Variants in TTC6 observed in about 807,000 individuals in gnomAD.
The protein encoded by TTC6 is tetratricopeptide repeat domain 6.
Under a neutral mutation model 210.4 loss-of-function variants are expected in TTC6, and 172 were observed. The observed-to-expected ratio is 0.82, with a 90% CI of 0.72 to 0.93. The LOEUF is 0.93. Among genes scored for constraint, TTC6 ranks in the 40% least tolerant of loss-of-function variants. The pLI, the probability that TTC6 is intolerant of heterozygous loss-of-function variation, is 0.00. For missense variants in TTC6, 2,414 were observed against 2,318.1 expected (o/e 1.04, Z -0.85); for synonymous variants, 804 against 819.6 (o/e 0.98, Z 0.32).
At chr14:37,760,014 T>C (rs528689627) in intron 14 of TTC6, among the ~76,000 whole-genome samples, 3 of 152,330 alleles carry the variant, frequency 2.0e-5, no homozygotes, top group Admixed American at 2.0e-4. Flanking sequence ...AATTCGTCAA[T>C]CTCATTCTCT....
exon 28 of TTC6, chr14:37,826,280 G>C: frequency 6.2e-7 from 1 of 1,612,766 alleles, no homozygotes; most frequent in Non-Finnish European, 8.5e-7. Context: ...TATGAAGGAA[G>C]AGCTGTGGTC....
rs369233138 is a variant in TTC6 at position 37,696,938 on chromosome 14, A to T, written c.1376+103A>T. ...AAAAAAGAAAACTAAATGTTTTAGA[A>T]ATTCATATATGAGACCTAAGTTAAA... On this transcript the variant is annotated intron_variant, in intron 4 of 30. Coordinates refer to ENST00000553443, the Ensembl canonical transcript of TTC6. The T allele has an allele frequency of 4.3e-4, 219 of 507,984 alleles. 1 individual carries two copies. Among genetic ancestry groups the T allele is most frequent in the African/African-American group, 4.1e-3 (209 of 50,394 alleles). 31.5% of individuals were successfully genotyped at this position (507,984 alleles called of 1,614,324 possible).
intron 17 of TTC6, among the ~76,000 whole-genome samples, chr14:37,793,136 C>G (rs189354797): frequency 1.3e-5 from 2 of 152,104 alleles, no homozygotes; most frequent in African/African-American, 2.4e-5. Context: ...TTTCAAATAG[C>G]AGCCACAGTG....
intron 4 of TTC6, 65 bp downstream of exon 6, chr14:37,696,900 A>G (rs1479229328): frequency 1.6e-6 from 1 of 637,036 alleles, no homozygotes; most frequent in Non-Finnish European, 2.3e-6. Context: ...TAGAGACATG[A>G]AAATACATTT....
rs1566928898 is a variant in TTC6, at chr14:37,749,116, CA to C, written c.2542del (p.Ile848LeufsTer10). Reference sequence around the variant, plus strand: ...CTCGGACATGGGCTCTTGATAGGCTCATTGAGTACAAAGATGCGAGCATACC... The same window carrying C: ...CTCGGACATGGGCTCTTGATAGGCTCTTGAGTACAAAGATGCGAGCATACC... On this transcript the variant is annotated frameshift_variant, in exon 11 of 31. Transcript: ENST00000553443. LOFTEE classifies it high-confidence loss of function. The C allele has an allele frequency of 6.5e-7, 1 of 1,535,652 alleles. No individual in the cohort carries two copies. Among genetic ancestry groups the C allele is most frequent in the South Asian group, 1.2e-5 (1 of 84,024 alleles).
At chr14:37,821,155 C>T (rs1391733853) in intron 26 of TTC6, among the ~76,000 whole-genome samples, 1 of 151,716 alleles carries the variant, frequency 6.6e-6, no homozygotes, top group Non-Finnish European at 1.5e-5. Flanking sequence ...GCAACCTTTG[C>T]CTCCTGGGTT....
intron 14 of TTC6, among the ~76,000 whole-genome samples, chr14:37,761,903 T>A (rs1487143432): frequency 6.6e-6 from 1 of 152,192 alleles, no homozygotes; most frequent in Non-Finnish European, 1.5e-5. Flanking sequence ...TATTAACATA[T>A]CCGTCACCTC....
chr14:37,702,467 C>A lies in TTC6; in HGVS notation c.1571+941C>A, dbSNP rs2095827363. Among the ~76,000 whole-genome samples the A allele has an allele frequency of 5.3e-5, 8 of 152,250 alleles. No homozygotes were observed. The South Asian group carries it at 1.7e-3, about 32-fold the overall frequency. On this transcript the variant is annotated intron_variant, in intron 5 of 30. Coordinates refer to ENST00000553443, the Ensembl canonical transcript of TTC6. Reference sequence around the variant, plus strand: ...CTTTAATCACACTGTGCTCCCCCGACCCAAAGCACCAATTTTTACCTCCTG... The same window carrying A: ...CTTTAATCACACTGTGCTCCCCCGAACCAAAGCACCAATTTTTACCTCCTG...
exon 27 of TTC6, chr14:37,823,862 G>A (rs1419591012): frequency 6.2e-7 from 1 of 1,613,912 alleles, no homozygotes; most frequent in Non-Finnish European, 8.5e-7. Context: ...CGGTCATGAT[G>A]AAGCCACCAA....
chr14:37,599,455 G>A (rs1350297261), intron 1 of TTC6, among the ~76,000 whole-genome samples: 1 of 152,160 alleles, frequency 6.6e-6, no homozygotes, highest in East Asian at 1.9e-4. Context: ...TAAAAGCAAC[G>A]CATAAACATA....
chr14:37,805,942 C>T (rs138349468), intron 21 of TTC6, among the ~76,000 whole-genome samples: 234 of 152,144 alleles, frequency 1.5e-3, no homozygotes, highest in African/African-American at 5.0e-3. Context: ...CCTCATGATC[C>T]GCCCGCCTTG....
chr14:37,738,293 T>C (rs2095907528), intron 9 of TTC6, among the ~76,000 whole-genome samples: 1 of 151,758 alleles, frequency 6.6e-6, no homozygotes, highest in African/African-American at 2.4e-5. Context: ...AAATATTAAA[T>C]TGAAAGTTAT....
chr14:37,604,881 TA>T (rs1366821893), intron 1 of TTC6, among the ~76,000 whole-genome samples: 2 of 152,188 alleles, frequency 1.3e-5, no homozygotes, highest in Non-Finnish European at 2.9e-5. Context: ...AGACATTTTC[TA>T]AAATCCTGAA....
At chr14:37,825,585 G>A (rs1032960589) in intron 27 of TTC6, among the ~76,000 whole-genome samples, 24 of 152,140 alleles carry the variant, frequency 1.6e-4, no homozygotes, top group Admixed American at 3.9e-4. Flanking sequence ...CTCTGACATC[G>A]TTCTGTTAAC....
intron 1 of TTC6, among the ~76,000 whole-genome samples, chr14:37,632,981 C>A (rs2095672932): frequency 6.6e-6 from 1 of 152,208 alleles, no homozygotes; most frequent in Non-Finnish European, 1.5e-5. Flanking sequence ...CCCCACCAAC[C>A]TTGAGTGTCC....
intron 5 of TTC6, among the ~76,000 whole-genome samples, chr14:37,703,882 A>T (rs2095830339): frequency 6.6e-6 from 1 of 152,114 alleles, no homozygotes; most frequent in South Asian, 2.1e-4. Context: ...TTTGGTATGA[A>T]ATTTTATATT....
At chr14:37,796,159 T>C (rs1482376930) in intron 18 of TTC6, 135 bp from the exon 21 acceptor site, 1 of 403,184 alleles carries the variant, frequency 2.5e-6, no homozygotes, top group African/African-American at 2.1e-5. Flanking sequence ...ATGTCTATAA[T>C]TTTCACTTTT....
chr14:37,808,791 A>G, exon 24 of TTC6: 1 of 1,534,802 alleles, frequency 6.5e-7, no homozygotes, highest in South Asian at 1.2e-5. Context: ...AAAAATAGTT[A>G]TACAGCATTT....
chr14:37,823,392 A>G (rs1266747545), intron 26 of TTC6, among the ~76,000 whole-genome samples: 2 of 152,186 alleles, frequency 1.3e-5, no homozygotes, highest in African/African-American at 4.8e-5. Context: ...CATTTCATCA[A>G]TAGTAGCATA....
Sources: gnomAD v4.1 joint callset for allele counts (sites outside exome capture counted in the v4.1 genomes callset) on GRCh38, gnomAD v4.1.1 for gene constraint, MANE v1.5 for transcripts, NCBI Gene and HGNC (gene_info 2026-07-23, HGNC 2026-07-21) for gene names.